SPOCK1: variants seen among roughly 807,000 people sequenced by gnomAD.
SPOCK1 encodes testican-1.
A neutral mutation model predicts 55.3 loss-of-function variants in SPOCK1; 23 were observed. That is an observed-to-expected ratio of 0.42 (90% confidence interval 0.30 to 0.59). The LOEUF (loss-of-function observed/expected upper bound fraction) is 0.59. Among genes scored for constraint, SPOCK1 ranks in the 20% least tolerant of loss-of-function variants. SPOCK1 has a pLI of 0.22. For missense variants in SPOCK1, 499 were observed against 552.5 expected (o/e 0.90, Z 0.97); for synonymous variants, 226 against 221.0 (o/e 1.02, Z -0.20).
Position 137,112,399 on chromosome 5 carries a change from G to A in SPOCK1, c.474+36C>T, listed in dbSNP as rs779505836. 3.1e-6 allele frequency: 5 copies of A among 1,606,250 alleles called. No homozygotes were observed. In the South Asian group the frequency reaches 4.5e-5, roughly 14 times the overall value. On this transcript the variant is annotated intron_variant, in intron 5 of 10. Coordinates refer to ENST00000394945, the MANE Select transcript of SPOCK1 (RefSeq NM_004598.4). Reference sequence around the variant, plus strand: ...AAGTGTTAGAACAAGCCGACATGAAGTATTTTTGATAACATAAAAAGACAA... The same window carrying A: ...AAGTGTTAGAACAAGCCGACATGAAATATTTTTGATAACATAAAAAGACAA...
intron 5 of SPOCK1, among the ~76,000 whole-genome samples, chr5:137,109,396 A>T (rs1259785818): frequency 2.0e-5 from 3 of 152,182 alleles, no homozygotes; most frequent in African/African-American, 4.8e-5. Flanking sequence ...AAGTTGAGTT[A>T]TGCGGACTGG....
At chr5:137,166,462 TAA>T (rs199832490) in intron 3 of SPOCK1, among the ~76,000 whole-genome samples, 1,989 of 151,156 alleles carry the variant, frequency 0.013, 45 homozygotes, top group African/African-American at 0.045. Context: ...TAATGAGCAA[TAA>T]GACACCATCT....
At chr5:137,458,960 CAG>C (rs1019389643) in intron 2 of SPOCK1, among the ~76,000 whole-genome samples, 3 of 152,198 alleles carry the variant, frequency 2.0e-5, no homozygotes, top group African/African-American at 7.2e-5. Context: ...AACAGGGAAA[CAG>C]AGAATATACA....
intron 3 of SPOCK1, among the ~76,000 whole-genome samples, chr5:137,218,042 C>G (rs1395582146): frequency 1.3e-5 from 2 of 152,192 alleles, no homozygotes; most frequent in Non-Finnish European, 2.9e-5. Flanking sequence ...CCCTTTCCTC[C>G]CCTAAGGCAG....
At chr5:137,232,183 T>A (rs7731094) in intron 3 of SPOCK1, among the ~76,000 whole-genome samples, 6,484 of 152,280 alleles carry the variant, frequency 0.043, 430 homozygotes, top group African/African-American at 0.14. Flanking sequence ...CACCCTTTTT[T>A]AAAAATTTTT....
intron 6 of SPOCK1, among the ~76,000 whole-genome samples, chr5:137,009,266 C>G (rs1273282139): frequency 2.0e-5 from 3 of 152,138 alleles, no homozygotes; most frequent in African/African-American, 4.8e-5. Context: ...TTTGAAGTAG[C>G]ATGTATAAGG....
chr5:137,221,578 T>G (rs1026146129), intron 3 of SPOCK1, among the ~76,000 whole-genome samples: 1 of 152,216 alleles, frequency 6.6e-6, no homozygotes, highest in African/African-American at 2.4e-5. Flanking sequence ...TATTTTCAGT[T>G]TCAGTCAATG....
intron 2 of SPOCK1, among the ~76,000 whole-genome samples, chr5:137,460,185 G>C (rs1753452242): frequency 6.6e-6 from 1 of 152,218 alleles, no homozygotes; most frequent in Non-Finnish European, 1.5e-5. Context: ...GAATCAGGCA[G>C]TGGGATGGTC....
intron 6 of SPOCK1, chr5:136,992,940 C>T: frequency 5.2e-6 from 1 of 191,110 alleles, no homozygotes; most frequent in Non-Finnish European, 1.1e-5. Flanking sequence ...CTTGCTCTTG[C>T]AGTTTTGCCA....
At chr5:137,032,912 C>T (rs940602013) in intron 6 of SPOCK1, among the ~76,000 whole-genome samples, 2 of 152,096 alleles carry the variant, frequency 1.3e-5, no homozygotes, top group African/African-American at 4.8e-5. Context: ...AGGTGGTTCA[C>T]CAGGTGTAAA....
intron 3 of SPOCK1, among the ~76,000 whole-genome samples, chr5:137,171,631 A>G (rs1754756574): frequency 6.6e-6 from 1 of 152,314 alleles, no homozygotes; most frequent in African/African-American, 2.4e-5. Flanking sequence ...TTGTTGGGAA[A>G]AAAAATTACA....
chr5:137,161,411 A>C (rs1396627497), intron 3 of SPOCK1, among the ~76,000 whole-genome samples: 1 of 152,012 alleles, frequency 6.6e-6, no homozygotes, highest in African/African-American at 2.4e-5. Flanking sequence ...AGGAGCCTCT[A>C]AACTCTCTCT....
intron 2 of SPOCK1, among the ~76,000 whole-genome samples, chr5:137,274,553 C>A (rs891078255): frequency 6.6e-6 from 1 of 152,200 alleles, no homozygotes; most frequent in Non-Finnish European, 1.5e-5. Flanking sequence ...AAAAGGTACA[C>A]AATTTCATGT....
rs1280582094 is a variant in SPOCK1, at chr5:137,132,165, ACT to A, written c.347+8413_347+8414del. Reference sequence around the variant, plus strand: ...ACTCCAGCCTGGGCAACAGAACAAGACTCTGTCTCAAAAAAAAAAAAAAAAAA... The same window carrying A: ...ACTCCAGCCTGGGCAACAGAACAAGACTGTCTCAAAAAAAAAAAAAAAAAA... On this transcript the variant is annotated intron_variant, in intron 4 of 10. Coordinates refer to ENST00000394945, the MANE Select transcript of SPOCK1 (RefSeq NM_004598.4). 2.1e-3 allele frequency among the ~76,000 whole-genome samples: 222 copies of A among 105,624 alleles called. 3 individuals are homozygous for A. In the Admixed American group the frequency reaches 0.022, roughly 11 times the overall value. The allele number at this position is 105,624 out of a possible 152,430, so 69.3% of individuals were successfully genotyped here. A position where few individuals can be genotyped will look rare whatever the true frequency, so the allele number is the denominator to read the frequency against.
At position 137,486,255 on chromosome 5, in the gene SPOCK1, T is replaced by C. The variant is rs563698089; in HGVS notation, c.186+12118A>G. On this transcript the variant is annotated intron_variant, in intron 2 of 10. Transcript: ENST00000394945. The stretch of plus-strand genomic sequence containing the variant: ...TAAAACGACAGAAGTTGCCCATGTA[T>C]GCCAGGAAGAGTTGAGGCAAACTGA... Among the ~76,000 whole-genome samples, 7 of 152,314 alleles carry C rather than the reference T, an allele frequency of 4.6e-5. No individual in the cohort carries two copies. The South Asian group carries it at 1.5e-3, about 32-fold the overall frequency.
intron 6 of SPOCK1, among the ~76,000 whole-genome samples, chr5:136,997,209 A>G (rs1251019421): frequency 6.6e-6 from 1 of 152,148 alleles, no homozygotes; most frequent in African/African-American, 2.4e-5. Flanking sequence ...GCTTCTTCCC[A>G]TAGTCAGAAA....
At chr5:137,342,838 G>T (rs17171361) in intron 2 of SPOCK1, among the ~76,000 whole-genome samples, 9,734 of 152,220 alleles carry the variant, frequency 0.064, 650 homozygotes, top group African/African-American at 0.17. Flanking sequence ...TGCCCTTTTT[G>T]TTCCTCCTGG....
At chr5:137,361,385 T>G (rs1750940302) in intron 2 of SPOCK1, among the ~76,000 whole-genome samples, 1 of 152,192 alleles carries the variant, frequency 6.6e-6, no homozygotes, top group Non-Finnish European at 1.5e-5. Context: ...CTCACCACTG[T>G]ATCAGAGTCA....
At chr5:137,407,551 C>T (rs1752126239) in intron 2 of SPOCK1, among the ~76,000 whole-genome samples, 1 of 152,076 alleles carries the variant, frequency 6.6e-6, no homozygotes, top group African/African-American at 2.4e-5. Flanking sequence ...TGCCTGAGCC[C>T]ATATTCCCTT....
Sources: allele counts gnomAD v4.1 joint callset (sites outside exome capture counted in the v4.1 genomes callset), GRCh38; gene constraint gnomAD v4.1.1; transcripts MANE v1.5; gene names NCBI Gene and HGNC (gene_info 2026-07-23, HGNC 2026-07-21).